PLS1: variants seen among roughly 807,000 people sequenced by gnomAD.
PLS1 encodes plastin-1.
PLS1 carries 32 observed loss-of-function variants against 73.7 expected under a neutral mutation model. That is an observed-to-expected ratio of 0.43 (90% CI 0.33 to 0.58). PLS1 has a LOEUF of 0.58. Ranked by LOEUF, PLS1 falls within the 20% of genes least tolerant of loss-of-function variation. The pLI is 0.04. For missense variants in PLS1, 633 were observed against 740.5 expected, an observed-to-expected ratio of 0.85 and a Z score of 1.68; for synonymous variants, 217 against 261.3, an observed-to-expected ratio of 0.83 and a Z score of 1.63.
At chr3:142,599,288 A>T (rs994223022) in intron 1 of PLS1, among the ~76,000 whole-genome samples, 2 of 147,036 alleles carry the variant, frequency 1.4e-5, no homozygotes, top group African/African-American at 5.1e-5. Flanking sequence ...TATCCAGACT[A>T]TCCCCTAATT....
intron 1 of PLS1, among the ~76,000 whole-genome samples, chr3:142,636,856 C>T (rs113324947): frequency 1.1e-4 from 17 of 152,082 alleles, no homozygotes; most frequent in African/African-American, 3.9e-4. Context: ...GTGTAAATAT[C>T]ATACCATAGT....
intron 1 of PLS1, among the ~76,000 whole-genome samples, chr3:142,644,741 G>A (rs868401384): frequency 1.3e-5 from 2 of 152,082 alleles, no homozygotes; most frequent in African/African-American, 4.8e-5. Flanking sequence ...CTTGAGTGTC[G>A]TGATTCATTT....
intron 6 of PLS1, among the ~76,000 whole-genome samples, chr3:142,683,674 G>A (rs1399943621): frequency 6.6e-6 from 1 of 152,094 alleles, no homozygotes; most frequent in African/African-American, 2.4e-5. Context: ...TTAAAGAAGT[G>A]CTTCCAAATG....
rs1437818227 is a variant in PLS1 at position 142,600,896 on chromosome 3, ATATATATATATATATATATATTT to A, written c.-37+4389_-37+4411del. On this transcript the variant is annotated intron_variant, in intron 1 of 15. Coordinates refer to ENST00000457734, the MANE Select transcript of PLS1 (RefSeq NM_001145319.2). Reference sequence around the variant, plus strand: ...TGGTTTCATATATATATATATATATATATATATATATATATATATATTTTTTTTTTTTTTTTTTTTTTTTTGAG... The same window carrying A: ...TGGTTTCATATATATATATATATATATTTTTTTTTTTTTTTTTTTTTTGAG... Among the ~76,000 whole-genome samples the A allele has an allele frequency of 4.2e-3, 112 of 26,900 alleles. 1 individual carries two copies. The highest frequency in any genetic ancestry group is 0.012 in the Admixed American group (25 of 2,140). 17.6% of individuals were successfully genotyped at this position (26,900 alleles called of 152,430 possible). A position where few individuals can be genotyped will look rare whatever the true frequency, so the allele number is the denominator to read the frequency against.
intron 10 of PLS1, among the ~76,000 whole-genome samples, chr3:142,692,030 T>C (rs28539899): frequency 0.027 from 4,176 of 152,192 alleles, 173 homozygotes; most frequent in African/African-American, 0.092. Flanking sequence ...TTGGTTTTTT[T>C]CATATATAAA....
At chr3:142,703,689 C>G (rs2038384835) in intron 12 of PLS1, among the ~76,000 whole-genome samples, 179 bp from the exon 13 acceptor site, 1 of 152,138 alleles carries the variant, frequency 6.6e-6, no homozygotes, top group African/African-American at 2.4e-5. Flanking sequence ...GCTTTAATAT[C>G]TTCAACTATA....
chr3:142,605,666 TACTG>T (rs1474455908), intron 1 of PLS1, among the ~76,000 whole-genome samples: 2 of 152,244 alleles, frequency 1.3e-5, no homozygotes, highest in Admixed American at 6.5e-5. Context: ...TTTCTTCTGT[TACTG>T]ACCATATGAA....
intron 3 of PLS1, among the ~76,000 whole-genome samples, 171 bp downstream of exon 3, chr3:142,669,724 C>T (rs907731354): frequency 1.3e-5 from 2 of 152,014 alleles, no homozygotes; most frequent in Non-Finnish European, 2.9e-5. Flanking sequence ...ATTTCCACAA[C>T]TAATTCATAA....
At chr3:142,661,694 T>C (rs2037375286) in intron 1 of PLS1, among the ~76,000 whole-genome samples, 1 of 152,228 alleles carries the variant, frequency 6.6e-6, no homozygotes, top group Non-Finnish European at 1.5e-5. Flanking sequence ...ATTTTCCACT[T>C]AGCTTCAATT....
chr3:142,685,184 T>C (rs1412294060), intron 8 of PLS1, among the ~76,000 whole-genome samples: 1 of 152,246 alleles, frequency 6.6e-6, no homozygotes, highest in African/African-American at 2.4e-5. Flanking sequence ...TACACTGTTA[T>C]ATTTGAAAGT....
intron 1 of PLS1, among the ~76,000 whole-genome samples, chr3:142,653,453 C>T (rs976050911): frequency 3.3e-5 from 5 of 150,228 alleles, no homozygotes; most frequent in South Asian, 2.1e-4. Context: ...CCACACCTCC[C>T]GTGCTCAAGC....
intron 6 of PLS1, among the ~76,000 whole-genome samples, chr3:142,681,549 G>A (rs1171396905): frequency 6.6e-6 from 1 of 152,190 alleles, no homozygotes; most frequent in African/African-American, 2.4e-5. Flanking sequence ...GACAGTCCAA[G>A]CCTAACCATG....
chr3:142,702,176 C>T (rs2038345073), intron 12 of PLS1, among the ~76,000 whole-genome samples: 1 of 152,164 alleles, frequency 6.6e-6, no homozygotes, highest in South Asian at 2.1e-4. Context: ...CCTGCCTCAG[C>T]CTAAGTAGCT....
chr3:142,645,201 T>C (rs1434729042), intron 1 of PLS1: 1 of 152,230 alleles, frequency 6.6e-6, no homozygotes. Flanking sequence ...TTCAAATCCA[T>C]AAACTATCAA....
At chr3:142,664,100 T>C (rs2037427659) in intron 1 of PLS1, 102 bp from the exon 2 acceptor site, 1 of 479,264 alleles carries the variant, frequency 2.1e-6, no homozygotes, top group African/African-American at 2.0e-5. Flanking sequence ...CCAGATCTCA[T>C]AGATAATTCC....
chr3:142,694,531 A>G lies in PLS1; in HGVS notation c.1240A>G (p.Ile414Val), dbSNP rs1224035594. Reference sequence around the variant, plus strand: ...GAATTCCTTGGGAGTCAACCCATACATTAATCATTTGTACAGGTAAATATT... The same window carrying G: ...GAATTCCTTGGGAGTCAACCCATACGTTAATCATTTGTACAGGTAAATATT... ...WMNSLGVNPY[I>V]NHLYSDLADA... The change falls in exon 11 of 16, where the codon ATT becomes GTT. Residue 414 changes from isoleucine to valine, a missense_variant. Physicochemically the swap from Ile to Val is conservative, Grantham distance 29. Transcript: ENST00000457734. 2 of 1,590,048 alleles carry G rather than the reference A, an allele frequency of 1.3e-6. No individual in the cohort carries two copies. Among genetic ancestry groups the G allele is most frequent in the African/African-American group, 1.3e-5 (1 of 74,494 alleles).
At chr3:142,705,970 AAC>A (rs1325954717) in intron 14 of PLS1, among the ~76,000 whole-genome samples, 3 of 152,210 alleles carry the variant, frequency 2.0e-5, no homozygotes, top group African/African-American at 7.2e-5. Flanking sequence ...TTAAACATAA[AAC>A]ACAAAAATAT....
In PLS1 at chr3:142,687,783, TAAAAC is replaced by T. The variant is rs140465764; in HGVS notation, c.981+1408_981+1412del. Among the ~76,000 whole-genome samples, 388 of 152,236 alleles carry T rather than the reference TAAAAC, an allele frequency of 2.5e-3. 2 individuals carry two copies. Among genetic ancestry groups the T allele is most frequent in the African/African-American group, 8.9e-3 (370 of 41,558 alleles). The stretch of plus-strand genomic sequence containing the variant: ...CTAAAAGACAAAGACACTTTTAAAA[TAAAAC>T]CACAATACCTTATCATACCTTAAAA... On this transcript the variant is annotated intron_variant, in intron 9 of 15. Transcript: ENST00000457734.
intron 3 of PLS1, among the ~76,000 whole-genome samples, chr3:142,670,560 A>G (rs2037583887): frequency 6.6e-6 from 1 of 152,222 alleles, no homozygotes; most frequent in African/African-American, 2.4e-5. Context: ...GTCCAGTGAG[A>G]GAGTGATTGG....
Sources: gnomAD v4.1 joint callset for allele counts (sites outside exome capture counted in the v4.1 genomes callset) on GRCh38, gnomAD v4.1.1 for gene constraint, MANE v1.5 for transcripts, NCBI Gene and HGNC (gene_info 2026-07-23, HGNC 2026-07-21) for gene names.